Variants in GRK2 observed in about 807,000 individuals in gnomAD.
The protein encoded by GRK2 is G protein-coupled receptor kinase 2, also known as adrenergic beta receptor kinase 1.
A neutral mutation model predicts 97.8 loss-of-function variants in GRK2; 23 were observed. The observed-to-expected ratio is 0.24, with a 90% confidence interval of 0.17 to 0.33. The LOEUF is 0.33. Among genes scored for constraint, GRK2 ranks in the 10% least tolerant of loss-of-function variants. The pLI is 1.00. For missense variants in GRK2, 633 were observed against 956.9 expected, an observed-to-expected ratio of 0.66 and a Z score of 4.47; for synonymous variants, 425 against 381.7, an observed-to-expected ratio of 1.11 and a Z score of -1.32.
intron 6 of GRK2, 176 bp from the exon 7 acceptor site, chr11:67,280,556 C>A: frequency 1.4e-6 from 1 of 727,426 alleles, no homozygotes; most frequent in Non-Finnish European, 2.4e-6. Context: ...CTGACTGGTG[C>A]TGTGGGCGGG....
At chr11:67,274,465 G>A (rs938013031) in intron 1 of GRK2, among the ~76,000 whole-genome samples, 1 of 128,782 alleles carries the variant, frequency 7.8e-6, no homozygotes, top group African/African-American at 2.9e-5. Flanking sequence ...ATCTGCATCT[G>A]CCTGTCGCTA....
At chr11:67,280,887 G>A in intron 7 of GRK2, 104 bp downstream of exon 7, 2 of 1,390,932 alleles carry the variant, frequency 1.4e-6, no homozygotes. Flanking sequence ...GGGGATGTCT[G>A]TCCTTTAGCC....
chr11:67,268,326 T>A (rs529183598), intron 1 of GRK2, among the ~76,000 whole-genome samples: 1 of 152,178 alleles, frequency 6.6e-6, no homozygotes, highest in Non-Finnish European at 1.5e-5. Context: ...GAGAGGAAAA[T>A]TGGTCTGCAT....
Position 67,281,384 on chromosome 11 carries a change from C to A in GRK2, c.648-75C>A. ...ACGCTGGTCCTGGGTCTAGTCTTTC[C>A]CTCAAGCGCCCCCTGAGGCAGCCCT... On this transcript the variant is annotated intron_variant, in intron 8 of 20. Transcript: ENST00000308595. This position sits in a 1 kb window ranked among gnomAD's most constrained non-coding sequence, Gnocchi z 5.7. 1 of 1,404,728 alleles carries A rather than the reference C, an allele frequency of 7.1e-7. No individual in the cohort carries two copies. The highest frequency in any genetic ancestry group is 1.2e-5 in the South Asian group (1 of 85,872). The allele number at this position is 1,404,728 out of a possible 1,614,324, so 87.0% of individuals were successfully genotyped here. A position where few individuals can be genotyped will look rare whatever the true frequency, so the allele number is the denominator to read the frequency against.
chr11:67,278,353 T>TCGGGGGC (rs1359356040), intron 2 of GRK2, among the ~76,000 whole-genome samples: 1 of 152,136 alleles, frequency 6.6e-6, no homozygotes. Context: ...CTGGTAGTGC[T>TCGGGGGC]CGGGGGCCGG....
At position 67,276,096 on chromosome 11, in the gene GRK2, C is replaced by T. The variant is rs940973795; in HGVS notation, c.114-1176C>T. Among the ~76,000 whole-genome samples the T allele has an allele frequency of 2.0e-5, 3 of 152,208 alleles. No individual in the cohort carries two copies. The highest frequency in any genetic ancestry group is 4.8e-5 in the African/African-American group (2 of 41,448). Reference sequence around the variant, plus strand: ...CACAGAGAACCTGGACTTGCGGATCCAAATCTCCACCAGCTGCAGTCATTT... The same window carrying T: ...CACAGAGAACCTGGACTTGCGGATCTAAATCTCCACCAGCTGCAGTCATTT... On this transcript the variant is annotated intron_variant, in intron 1 of 20. Transcript: ENST00000308595. This position sits in a 1 kb window ranked among gnomAD's most constrained non-coding sequence, Gnocchi z 4.2.
chr11:67,284,143 G>T, intron 17 of GRK2, 68 bp from the exon 18 acceptor site: 1 of 1,597,818 alleles, frequency 6.3e-7, no homozygotes, highest in Non-Finnish European at 8.6e-7. Context: ...GGTCTGGGCA[G>T]CCTGTGGCTG....
Position 67,281,226 on chromosome 11 carries a change from G to GGGCTCCTGGGGGACCCT in GRK2, c.647+44_647+60dup. ...GCGCGGTGGGATACCTCGGGGAGCC[G>GGGCTCCTGGGGGACCCT]GGCTCCTGGGGGACCCTGACAGGCC... On this transcript the variant is annotated intron_variant, in intron 8 of 20. Transcript: ENST00000308595. This position sits in a 1 kb window ranked among gnomAD's most constrained non-coding sequence, Gnocchi z 5.7. The GGGCTCCTGGGGGACCCT allele has an allele frequency of 6.5e-7, 1 of 1,545,794 alleles. No homozygotes were observed. Among genetic ancestry groups the GGGCTCCTGGGGGACCCT allele is most frequent in the Non-Finnish European group, 8.9e-7 (1 of 1,125,850 alleles).
intron 17 of GRK2, 22 bp downstream of exon 17, chr11:67,283,971 C>T (rs989484813): frequency 6.3e-7 from 1 of 1,578,886 alleles, no homozygotes; most frequent in African/African-American, 1.3e-5. Flanking sequence ...TGCCTGGCCT[C>T]TTGTACCTAG....
In GRK2 at chr11:67,281,754, G is replaced by A. The variant is rs1390049588; in HGVS notation, c.826+26G>A. On this transcript the variant is annotated intron_variant, in intron 10 of 20. Transcript: ENST00000308595. The surrounding 1 kb of genome is among the most constrained non-coding windows in gnomAD (Gnocchi z 5.7). ...GTGAGTGCTGGCCGGGCCCTAGGGT[G>A]GGCCGGGCCCAGGCACGGGAGGCTG... 1 of 1,613,400 alleles carries A rather than the reference G, an allele frequency of 6.2e-7. No individual in the cohort carries two copies. The highest frequency in any genetic ancestry group is 1.3e-5 in the African/African-American group (1 of 74,890).
Position 67,283,227 on chromosome 11 carries a change from G to C in GRK2, c.1327G>C (p.Gly443Arg). ...CCGGAGATTGGGCTGCCTGGGCCGA[G>C]GGTGAGTACCCTGGCGCCTTGGGCA... ...VNRRLGCLGR[G>R]AQEVKESPFF... Residue 443 changes from glycine to arginine, a missense_variant and splice_region_variant, in exon 15 of 21, where the codon GGG (glycine) becomes CGG (arginine). Transcript: ENST00000308595. 1 of 1,613,690 alleles carries C rather than the reference G, an allele frequency of 6.2e-7. No homozygotes were observed. Among genetic ancestry groups the C allele is most frequent in the Non-Finnish European group, 8.5e-7 (1 of 1,179,768 alleles).
At chr11:67,279,979 G>A (rs1380910958) in intron 6 of GRK2, 79 bp downstream of exon 6, 11 of 1,432,568 alleles carry the variant, frequency 7.7e-6, no homozygotes, top group Non-Finnish European at 9.8e-6. Flanking sequence ...GTGGAGGGCA[G>A]AAGCCAGCCT....
intron 1 of GRK2, among the ~76,000 whole-genome samples, chr11:67,273,667 G>C (rs535699631): frequency 5.9e-5 from 9 of 152,296 alleles, no homozygotes; most frequent in East Asian, 1.9e-4. Flanking sequence ...TTCTTGCTTG[G>C]GGGGAGGGGG....
Position 67,281,250 on chromosome 11 carries a change from C to G in GRK2, c.647+66C>G, listed in dbSNP as rs543532096. 6.9e-7 allele frequency: 1 copy of G among 1,442,436 alleles called. No homozygotes were observed. The allele number at this position is 1,442,436 out of a possible 1,614,324, so 89.4% of individuals were successfully genotyped here. On this transcript the variant is annotated intron_variant, in intron 8 of 20. Coordinates refer to ENST00000308595, the MANE Select transcript of GRK2 (RefSeq NM_001619.5). The surrounding 1 kb of genome is among the most constrained non-coding windows in gnomAD (Gnocchi z 5.7). ...CGGGCTCCTGGGGGACCCTGACAGG[C>G]CGGGTTCCACACAGGGCCACCTGCT...
Position 67,284,840 on chromosome 11 carries a change from G to A in GRK2, c.1655-7G>A, listed in dbSNP as rs780805559. On this transcript the variant is annotated splice_region_variant and splice_polypyrimidine_tract_variant and intron_variant, in intron 18 of 20. Coordinates refer to ENST00000308595, the MANE Select transcript of GRK2 (RefSeq NM_001619.5). ...GCCGGCTGAGTCTCCTCTGTCTCTC[G>A]CCTCAGACTACGCCCTGGGCAAGGA... The A allele has an allele frequency of 1.8e-5, 29 of 1,611,634 alleles. No individual in the cohort carries two copies. In the Admixed American group the frequency reaches 3.2e-4, roughly 18 times the overall value.
In GRK2 at chr11:67,286,234, G is replaced by A. The variant is rs1010187025; in HGVS notation, c.*784G>A. The A allele has an allele frequency of 1.3e-4, 78 of 580,008 alleles. 1 individual carries two copies. Among genetic ancestry groups the A allele is most frequent in the Non-Finnish European group, 1.7e-4 (57 of 327,652 alleles). 35.9% of individuals were successfully genotyped at this position (580,008 alleles called of 1,614,324 possible). A position where few individuals can be genotyped will look rare whatever the true frequency, so the allele number is the denominator to read the frequency against. ...GACCCCATCTGCCCAGGACGGGGCC[G>A]GCCAGGTGGGCGGGCAGCACAGCAA... On this transcript the variant is annotated 3_prime_UTR_variant, in exon 21 of 21. Transcript: ENST00000308595.
At chr11:67,274,244 C>T (rs1210918232) in intron 1 of GRK2, among the ~76,000 whole-genome samples, 2 of 151,976 alleles carry the variant, frequency 1.3e-5, no homozygotes, top group African/African-American at 4.8e-5. Context: ...AACTCCTGAC[C>T]TCATGATTCG....
intron 2 of GRK2, 32 bp from the exon 3 acceptor site, chr11:67,279,168 G>T: frequency 6.3e-7 from 1 of 1,590,668 alleles, no homozygotes; most frequent in East Asian, 2.2e-5. Context: ...TGAGAGAGGC[G>T]TGGCTCTGTG....
At chr11:67,275,266 GATA>G (rs1414324953) in intron 1 of GRK2, among the ~76,000 whole-genome samples, 1 of 152,150 alleles carries the variant, frequency 6.6e-6, no homozygotes, top group East Asian at 1.9e-4. Context: ...AGTGGAAGCG[GATA>G]AGAGCCCCCT....
Sources: gnomAD v4.1 joint callset for allele counts (sites outside exome capture counted in the v4.1 genomes callset) on GRCh38, gnomAD v4.1.1 for gene constraint, Gnocchi (gnomAD v3.1) non-coding constraint, MANE v1.5 for transcripts, NCBI Gene and HGNC (gene_info 2026-07-23, HGNC 2026-07-21) for gene names.